The following DRC9 variants were observed in gnomAD, a reference collection of about 807,000 sequenced individuals.
DRC9 encodes dynein regulatory complex subunit 9.
the DRC9 span, chr3:197,943,756 C>G: frequency 1.9e-6 from 3 of 1,593,872 alleles, no homozygotes; most frequent in Non-Finnish European, 2.6e-6. Flanking sequence ...GCAAAATTAA[C>G]TCATGGTGAG....
the DRC9 span, among the ~76,000 whole-genome samples, chr3:197,924,995 A>G: frequency 6.6e-6 from 1 of 152,160 alleles, no homozygotes; most frequent in African/African-American, 2.4e-5. Context: ...ATGACCACAA[A>G]AGCTCGCAAA....
chr3:197,913,405 C>A, the DRC9 span: 6 of 265,776 alleles, frequency 2.3e-5, no homozygotes, highest in Non-Finnish European at 4.4e-5. Flanking sequence ...TCTACCACTT[C>A]TTTCTTCCTC....
the DRC9 span, among the ~76,000 whole-genome samples, chr3:197,943,295 A>C: frequency 6.6e-6 from 1 of 152,202 alleles, no homozygotes; most frequent in Admixed American, 6.5e-5. Flanking sequence ...AAACCAATAT[A>C]CTAGAAAAGG....
chr3:197,936,655 G>T, the DRC9 span, among the ~76,000 whole-genome samples: 1 of 152,174 alleles, frequency 6.6e-6, no homozygotes, highest in Non-Finnish European at 1.5e-5. Context: ...GAGCTGCCAC[G>T]CCTGGCCTGT....
the DRC9 span, chr3:197,926,027 G>C: frequency 1.3e-6 from 2 of 1,556,058 alleles, no homozygotes; most frequent in Non-Finnish European, 1.8e-6. Flanking sequence ...TTCTTACCTG[G>C]ACTTCAAATT....
At chr3:197,941,171 CCT>C in the DRC9 span, among the ~76,000 whole-genome samples, 10 of 145,976 alleles carry the variant, frequency 6.9e-5, no homozygotes, top group East Asian at 2.0e-4. Flanking sequence ...TCCTCTCTCT[CCT>C]CTCTCTCTCC....
At chr3:197,891,404 T>C in the DRC9 span, 21 of 1,037,996 alleles carry the variant, frequency 2.0e-5, no homozygotes, top group South Asian at 2.5e-5. Context: ...TGTTCCTCAG[T>C]GTTAAGCCAG....
the DRC9 span, among the ~76,000 whole-genome samples, chr3:197,928,308 G>T: frequency 6.7e-6 from 1 of 149,670 alleles, no homozygotes; most frequent in South Asian, 2.1e-4. Context: ...ATTTTATTTA[G>T]CAGGTGAACA....
chr3:197,931,820 T>C, the DRC9 span, among the ~76,000 whole-genome samples: 1 of 151,682 alleles, frequency 6.6e-6, no homozygotes, highest in Non-Finnish European at 1.5e-5. Flanking sequence ...AGAGATGGGG[T>C]TTCACCGTGT....
At chr3:197,899,182 AAATTGTTTAT>A in the DRC9 span, among the ~76,000 whole-genome samples, 2 of 152,214 alleles carry the variant, frequency 1.3e-5, no homozygotes, top group Admixed American at 6.5e-5. Context: ...TAACCAGACA[AAATTGTTTAT>A]GATTGAATTT....
chr3:197,907,619 T>C, the DRC9 span, among the ~76,000 whole-genome samples: 2 of 152,278 alleles, frequency 1.3e-5, no homozygotes, highest in Non-Finnish European at 2.9e-5. Context: ...GAGTTAGTTA[T>C]CTGAGTTTTA....
the DRC9 span, among the ~76,000 whole-genome samples, chr3:197,902,334 G>T: frequency 2.6e-5 from 4 of 152,086 alleles, no homozygotes; most frequent in African/African-American, 9.7e-5. Flanking sequence ...GAAGCATCAA[G>T]ACCATTCAGG....
At chr3:197,956,170 T>A in the DRC9 span, 1 of 236,552 alleles carries the variant, frequency 4.2e-6, no homozygotes, top group Non-Finnish European at 8.5e-6. Flanking sequence ...CTATGCTGGC[T>A]TCAAACTCCT....
chr3:197,926,492 G>A, the DRC9 span, among the ~76,000 whole-genome samples: 1 of 152,156 alleles, frequency 6.6e-6, no homozygotes, highest in African/African-American at 2.4e-5. Flanking sequence ...CCTCACAATA[G>A]CCTGATTTCT....
chr3:197,930,164 G>C, the DRC9 span, among the ~76,000 whole-genome samples: 2 of 151,880 alleles, frequency 1.3e-5, no homozygotes, highest in African/African-American at 4.8e-5. Context: ...AGACCAGCCT[G>C]GGCAACATGG....
chr3:197,947,928 CTTTTTT>C, the DRC9 span, among the ~76,000 whole-genome samples: 7 of 96,790 alleles, frequency 7.2e-5, 1 homozygote, highest in East Asian at 5.9e-4. Flanking sequence ...CCTGCTTTAC[CTTTTTT>C]TTTTTTTTTT....
the DRC9 span, chr3:197,959,940 TGAAA>T: frequency 1.0e-5 from 5 of 491,148 alleles, no homozygotes; most frequent in Admixed American, 3.6e-5. Context: ...CTTTGGTAAA[TGAAA>T]GAACTGAAAA....
chr3:197,957,615 T>C, the DRC9 span: 1 of 152,092 alleles, frequency 6.6e-6, no homozygotes, highest in African/African-American at 2.4e-5. Flanking sequence ...AGTGCACTGA[T>C]GCTGTATTCA....
the DRC9 span, chr3:197,953,350 T>G: frequency 1.4e-5 from 6 of 437,772 alleles, no homozygotes; most frequent in East Asian, 3.5e-4. Context: ...TACTGCAGCC[T>G]GGGTGACAAG....
Sources: gnomAD v4.1 joint callset for allele counts (sites outside exome capture counted in the v4.1 genomes callset) on GRCh38, gnomAD v4.1.1 for gene constraint, MANE v1.5 for transcripts, NCBI Gene and HGNC (gene_info 2026-07-23, HGNC 2026-07-21) for gene names.